Variants in TSNARE1 observed in about 807,000 individuals in gnomAD.
The protein encoded by TSNARE1 is t-SNARE domain containing 1.
Under a neutral mutation model 62.0 loss-of-function variants are expected in TSNARE1, and 49 were observed. That is an observed-to-expected ratio of 0.79 (90% CI 0.63 to 1.00). The LOEUF (loss-of-function observed/expected upper bound fraction) is 1.00, where lower values mean the gene tolerates loss of function less well. TSNARE1 is among the 50% of genes least tolerant of loss of function. The pLI is 0.00. For synonymous variants in TSNARE1, 328 were observed against 294.4 expected (o/e 1.11, Z -1.17); for missense variants, 755 against 700.1 (o/e 1.08, Z -0.88).
At chr8:142,295,139 C>T (rs376404766) in intron 10 of TSNARE1, among the ~76,000 whole-genome samples, 24 of 152,200 alleles carry the variant, frequency 1.6e-4, no homozygotes, top group South Asian at 1.2e-3. Flanking sequence ...CGGGACCCCT[C>T]GAGCCTTCTC....
intron 12 of TSNARE1, chr8:142,269,335 C>T (rs1210538597): frequency 1.5e-6 from 1 of 668,230 alleles, no homozygotes; most frequent in African/African-American, 2.0e-5. Context: ...AGGGTCAAGG[C>T]TCAATGTGCA....
chr8:142,399,292 T>C (rs117659734), intron 1 of TSNARE1, among the ~76,000 whole-genome samples: 11,141 of 152,192 alleles, frequency 0.073, 553 homozygotes, highest in Non-Finnish European at 0.11. Context: ...AGATCAGCTG[T>C]GAAACAACCC....
At position 142,379,144 on chromosome 8, in the gene TSNARE1, C is replaced by T. The variant is rs538030616; in HGVS notation, c.-40+23960G>A. Among the ~76,000 whole-genome samples the T allele has an allele frequency of 1.1e-3, 175 of 152,352 alleles. 1 individual carries two copies. The highest frequency in any genetic ancestry group is 4.1e-3 in the African/African-American group (169 of 41,584). On this transcript the variant is annotated intron_variant, in intron 1 of 13. Transcript: ENST00000524325. The stretch of plus-strand genomic sequence containing the variant: ...AGCTCACACATGTCCTCCCACCCCA[C>T]GTCAGCGCCTCAGCAGCAGATGCGG...
intron 10 of TSNARE1, among the ~76,000 whole-genome samples, chr8:142,289,024 G>A (rs1311532613): frequency 3.3e-5 from 5 of 152,216 alleles, no homozygotes; most frequent in African/African-American, 1.2e-4. Context: ...TTTGTGTGAA[G>A]CCTGCTCTTC....
chr8:142,236,218 G>A (rs1483549904), intron 12 of TSNARE1, among the ~76,000 whole-genome samples: 1 of 152,160 alleles, frequency 6.6e-6, no homozygotes, highest in African/African-American at 2.4e-5. Flanking sequence ...AAAATGCAAA[G>A]AGGGAAGCCT....
At chr8:142,340,512 G>A (rs1832435098) in intron 4 of TSNARE1, among the ~76,000 whole-genome samples, 1 of 152,366 alleles carries the variant, frequency 6.6e-6, no homozygotes, top group African/African-American at 2.4e-5. Context: ...TGAGACAGTG[G>A]CGGTGGCTGC....
rs1411242729 is a variant in TSNARE1, at chr8:142,261,195, G to A, written c.1446+13586C>T. On this transcript the variant is annotated intron_variant, in intron 12 of 13. Coordinates refer to ENST00000524325, the MANE Select transcript of TSNARE1 (RefSeq NM_145003.5). ...AGGGAAGGATGTGGGAGGAAGGAGA[G>A]AGGAAGGGAGGGGAGAGGGAGGAGG... Among the ~76,000 whole-genome samples the A allele has an allele frequency of 6.6e-5, 8 of 122,010 alleles. 1 individual carries two copies. The highest frequency in any genetic ancestry group is 4.0e-4 in the Admixed American group (5 of 12,566). 80.0% of individuals were successfully genotyped at this position (122,010 alleles called of 152,430 possible).
At chr8:142,272,835 G>A (rs1385138810) in intron 12 of TSNARE1, 33 of 983,620 alleles carry the variant, frequency 3.4e-5, no homozygotes, top group Non-Finnish European at 4.0e-5. Context: ...GCGGGAACAG[G>A]ACATTCTATG....
chr8:142,243,118 G>A (rs913120223), intron 12 of TSNARE1, among the ~76,000 whole-genome samples: 13 of 152,152 alleles, frequency 8.5e-5, no homozygotes, highest in East Asian at 5.8e-4. Flanking sequence ...TGGTGAGGGC[G>A]TGGGGAAAAG....
Position 142,315,027 on chromosome 8 carries a change from A to T in TSNARE1, c.1050T>A (p.Ile350=). Residue 350 remains isoleucine (I), a synonymous_variant, in exon 8 of 14, where the codon ATT becomes ATA. Coordinates refer to ENST00000524325, the MANE Select transcript of TSNARE1 (RefSeq NM_145003.5). ...DRLKTQLSDA[I]QCYGVVQKKI... ...CCTTCTGCACCACTCCATAGCACTG[A>T]ATGGCATCTGAGAGCTGGGTTTTCA... is the stretch of plus-strand genomic sequence containing the variant. 1 of 1,614,090 alleles carries T rather than the reference A, an allele frequency of 6.2e-7. No individual in the cohort carries two copies. Among genetic ancestry groups the T allele is most frequent in the East Asian group, 2.2e-5 (1 of 44,874 alleles).
At chr8:142,323,686 G>A (rs1047617286) in intron 6 of TSNARE1, among the ~76,000 whole-genome samples, 13 of 152,212 alleles carry the variant, frequency 8.5e-5, no homozygotes, top group South Asian at 2.1e-4. Flanking sequence ...CCAAGGACAC[G>A]GGAGCTCACA....
intron 12 of TSNARE1, among the ~76,000 whole-genome samples, chr8:142,257,485 G>A (rs1005721173): frequency 1.3e-5 from 2 of 152,142 alleles, no homozygotes; most frequent in Non-Finnish European, 2.9e-5. Context: ...GACTCTGGGA[G>A]CCTCCTCCCC....
chr8:142,323,360 G>A (rs1829770074), intron 6 of TSNARE1, among the ~76,000 whole-genome samples: 1 of 152,228 alleles, frequency 6.6e-6, no homozygotes, highest in East Asian at 1.9e-4. Flanking sequence ...CTGTGGCATG[G>A]GGCAGGCGAG....
chr8:142,339,620 A>C (rs1586896962), intron 4 of TSNARE1, among the ~76,000 whole-genome samples: 1 of 152,276 alleles, frequency 6.6e-6, no homozygotes, highest in East Asian at 1.9e-4. Context: ...ACGTGACTAA[A>C]CCCCAAGCTG....
At chr8:142,314,503 A>T (rs1828203859) in intron 8 of TSNARE1, 63 bp from the exon 9 acceptor site, 18 of 1,474,964 alleles carry the variant, frequency 1.2e-5, no homozygotes, top group Non-Finnish European at 1.6e-5. Flanking sequence ...AAGGGAGAAG[A>T]AATGGTCAGC....
At chr8:142,222,103 C>CTCATCCACTCATCCACTCATTT (rs1554623956) in intron 13 of TSNARE1, among the ~76,000 whole-genome samples, 1 of 10,946 alleles carries the variant, frequency 9.1e-5, no homozygotes, top group Non-Finnish European at 1.6e-4. Context: ...TCATCCACTC[C>CTCATCCACTCATCCACTCATTT]ACTCACTCAT....
At chr8:142,384,179 G>A (rs559045880) in intron 1 of TSNARE1, among the ~76,000 whole-genome samples, 1 of 152,238 alleles carries the variant, frequency 6.6e-6, no homozygotes, top group South Asian at 2.1e-4. Flanking sequence ...CATACACGGA[G>A]TCACTAAGAG....
intron 11 of TSNARE1, among the ~76,000 whole-genome samples, chr8:142,279,281 G>T (rs1285115788): frequency 6.6e-6 from 1 of 152,244 alleles, no homozygotes; most frequent in Non-Finnish European, 1.5e-5. Flanking sequence ...TGGAGAGGAA[G>T]GCCAGGCCGG....
Position 142,314,448 on chromosome 8 carries a change from A to G in TSNARE1, c.1075-8T>C, listed in dbSNP as rs1434574730. ...GGACTTTTCTGCAATTTTCTGTTGA[A>G]AAAAGGACAAGAGAAGAAAGACAGG... is the stretch of plus-strand genomic sequence containing the variant. On this transcript the variant is annotated splice_region_variant and splice_polypyrimidine_tract_variant and intron_variant, in intron 8 of 13. Coordinates refer to ENST00000524325, the MANE Select transcript of TSNARE1 (RefSeq NM_145003.5). 1 of 1,613,546 alleles carries G rather than the reference A, an allele frequency of 6.2e-7. No homozygotes were observed. Among genetic ancestry groups the G allele is most frequent in the African/African-American group, 1.3e-5 (1 of 74,926 alleles).
Sources: gnomAD v4.1 joint callset for allele counts (sites outside exome capture counted in the v4.1 genomes callset) on GRCh38, gnomAD v4.1.1 for gene constraint, MANE v1.5 for transcripts, NCBI Gene and HGNC (gene_info 2026-07-23, HGNC 2026-07-21) for gene names.